CEP83: variants seen among roughly 807,000 people sequenced by gnomAD.
CEP83 encodes centrosomal protein 83.
A neutral mutation model predicts 101.9 loss-of-function variants in CEP83; 70 were observed. The ratio of observed to expected loss-of-function variants is 0.69; its 90% CI spans 0.57 to 0.84. The LOEUF (loss-of-function observed/expected upper bound fraction) is 0.84, where lower values mean the gene tolerates loss of function less well. Ranked by LOEUF, CEP83 falls within the 40% of genes least tolerant of loss-of-function variation. The probability of loss-of-function intolerance (pLI) is 0.00; values close to 1 mark genes in which losing one functional copy is unlikely to be tolerated. For missense variants in CEP83, 715 were observed against 787.2 expected (o/e 0.91, Z 1.10); for synonymous variants, 264 against 267.9 (o/e 0.99, Z 0.14).
downstream of CEP83, among the ~76,000 whole-genome samples, chr12:94,303,085 AAAT>A (rs1176322003): frequency 6.6e-6 from 1 of 152,222 alleles, no homozygotes; most frequent in Non-Finnish European, 1.5e-5. Flanking sequence ...GTTTTGTGAA[AAAT>A]AATGATTTTT....
intron 11 of CEP83, among the ~76,000 whole-genome samples, chr12:94,343,179 C>T (rs2059766302): frequency 6.6e-6 from 1 of 151,552 alleles, no homozygotes; most frequent in Admixed American, 6.6e-5. Flanking sequence ...GTTTACGTAA[C>T]ACAATAACTG....
intron 11 of CEP83, among the ~76,000 whole-genome samples, chr12:94,357,461 C>G (rs377404660): frequency 1.3e-5 from 2 of 152,182 alleles, no homozygotes; most frequent in East Asian, 3.8e-4. Context: ...CTGGGCTAGT[C>G]AGTGTCACTC....
At chr12:94,297,329 C>T in the CEP83 span, 40 of 1,613,740 alleles carry the variant, frequency 2.5e-5, no homozygotes, top group African/African-American at 1.3e-5. Context: ...TTACCAGATT[C>T]GGAAGCATTC....
chr12:94,413,016 C>T (rs2064005771), intron 2 of CEP83, among the ~76,000 whole-genome samples: 2 of 152,088 alleles, frequency 1.3e-5, no homozygotes. Context: ...CCACGCTCGG[C>T]TAATTTTTTG....
At chr12:94,349,285 CAA>C (rs567484415) in intron 11 of CEP83, among the ~76,000 whole-genome samples, 18 of 73,426 alleles carry the variant, frequency 2.5e-4, no homozygotes, top group Non-Finnish European at 3.2e-4. Flanking sequence ...GACTCTGTCT[CAA>C]AAAAAAAAAA....
At position 94,375,991 on chromosome 12, in the gene CEP83, C is replaced by G; in HGVS notation, c.828G>C (p.Arg276=). The G allele has an allele frequency of 6.4e-7, 1 of 1,558,740 alleles. No individual in the cohort carries two copies. Among genetic ancestry groups the G allele is most frequent in the Non-Finnish European group, 8.7e-7 (1 of 1,150,704 alleles). The change falls in exon 8 of 17, where the codon CGG becomes CGC. Residue 276 remains arginine, a synonymous_variant. Transcript: ENST00000397809. ...LEAEKQSANL[R]AERLEKELQS... ...GTAGCTCTTTTTCCAAACGTTCTGC[C>G]CGTAAATTAGCTGATTGTTTTTCAG...
chr12:94,370,483 C>T (rs537681209), intron 8 of CEP83, among the ~76,000 whole-genome samples: 1 of 152,328 alleles, frequency 6.6e-6, no homozygotes, highest in African/African-American at 2.4e-5. Flanking sequence ...AAGTGATCCT[C>T]TCTCCTCAGC....
chr12:94,346,273 A>T (rs2059928825), intron 11 of CEP83, among the ~76,000 whole-genome samples: 1 of 151,972 alleles, frequency 6.6e-6, no homozygotes, highest in African/African-American at 2.4e-5. Context: ...GGCTGGTCTC[A>T]AACTCCTGAC....
At position 94,421,085 on chromosome 12, in the gene CEP83, C is replaced by T. The variant is rs113233898; in HGVS notation, c.-101-8494G>A. ...TGAGACATTCTCATTCTGTCATCCA[C>T]GCTGGAGTGCAATGGCATGATCACA... On this transcript the variant is annotated intron_variant, in intron 2 of 16. Transcript: ENST00000397809. Among the ~76,000 whole-genome samples, 583 of 152,070 alleles carry T rather than the reference C, an allele frequency of 3.8e-3. 3 individuals carry two copies. Among genetic ancestry groups the T allele is most frequent in the African/African-American group, 0.013 (558 of 41,506 alleles).
chr12:94,423,837 A>G, intron 2 of CEP83: 12 of 1,613,322 alleles, frequency 7.4e-6, no homozygotes, highest in Non-Finnish European at 1.0e-5. Context: ...CGACTGAAAC[A>G]CTGGAAGGAA....
chr12:94,372,956 T>C (rs2061369205), intron 8 of CEP83, among the ~76,000 whole-genome samples: 1 of 152,188 alleles, frequency 6.6e-6, no homozygotes, highest in South Asian at 2.1e-4. Context: ...TAAAAGGAAT[T>C]TTACTTAACG....
chr12:94,411,451 A>C (rs1329580463), intron 4 of CEP83, among the ~76,000 whole-genome samples: 1 of 152,160 alleles, frequency 6.6e-6, no homozygotes, highest in East Asian at 1.9e-4. Context: ...TTAATGGTTA[A>C]ATATTATTTA....
At chr12:94,270,636 A>G in the CEP83 span, among the ~76,000 whole-genome samples, 1 of 151,986 alleles carries the variant, frequency 6.6e-6, no homozygotes, top group Non-Finnish European at 1.5e-5. Context: ...TACTAAAATC[A>G]GTTATCTTGG....
At chr12:94,420,382 C>T (rs2064630147) in intron 2 of CEP83, among the ~76,000 whole-genome samples, 2 of 151,026 alleles carry the variant, frequency 1.3e-5, no homozygotes, top group Admixed American at 6.6e-5. Context: ...GAAACAAATC[C>T]AATGACCATC....
chr12:94,451,290 C>T (rs2067231908), intron 1 of CEP83, among the ~76,000 whole-genome samples: 1 of 151,908 alleles, frequency 6.6e-6, no homozygotes, highest in South Asian at 2.1e-4. Flanking sequence ...AAGTACGTGC[C>T]ACACACACAA....
chr12:94,279,371 CA>C, the CEP83 span: 1 of 874,046 alleles, frequency 1.1e-6, no homozygotes, highest in South Asian at 1.7e-5. Flanking sequence ...AATGTGCTGT[CA>C]GAGGTATTAG....
rs1593047184 is a variant in CEP83 at position 94,307,955 on chromosome 12, T to A, written c.*858A>T. 1 of 152,140 alleles carries A rather than the reference T, an allele frequency of 6.6e-6. No individual in the cohort carries two copies. The highest frequency in any genetic ancestry group is 2.4e-5 in the African/African-American group (1 of 41,438). 9.4% of individuals were successfully genotyped at this position (152,140 alleles called of 1,614,324 possible). A position where few individuals can be genotyped will look rare whatever the true frequency, so the allele number is the denominator to read the frequency against. On this transcript the variant is annotated 3_prime_UTR_variant, in exon 17 of 17. Transcript: ENST00000397809. ...GACTTGAGCTTTAGCCTCGTTAACATGAAATTATTCCAGCAGAATTCCTCT... is the reference window on the plus strand; with the variant it reads ...GACTTGAGCTTTAGCCTCGTTAACAAGAAATTATTCCAGCAGAATTCCTCT...
intron 1 of CEP83, among the ~76,000 whole-genome samples, chr12:94,441,914 C>CAAAAAAAAAA (rs370968833): frequency 1.6e-5 from 1 of 61,846 alleles, no homozygotes; most frequent in Non-Finnish European, 3.2e-5. Context: ...GACTCCGTCT[C>CAAAAAAAAAA]AAAAAAAAAA....
chr12:94,298,780 T>C, the CEP83 span: 1 of 1,610,650 alleles, frequency 6.2e-7, no homozygotes, highest in Non-Finnish European at 8.5e-7. Flanking sequence ...GTCGTACATA[T>C]TTGGAAAACA....
Sources: allele counts gnomAD v4.1 joint callset (sites outside exome capture counted in the v4.1 genomes callset), GRCh38; gene constraint gnomAD v4.1.1; transcripts MANE v1.5; gene names NCBI Gene and HGNC (gene_info 2026-07-23, HGNC 2026-07-21).